The following ST18 variants were observed in gnomAD, a reference collection of about 807,000 sequenced individuals.
The protein encoded by ST18 is suppression of tumorigenicity 18 protein.
In ST18, 50 loss-of-function variants were observed where a neutral mutation model predicts 110.0. That is an observed-to-expected ratio of 0.45 (90% CI 0.36 to 0.58). The LOEUF (loss-of-function observed/expected upper bound fraction) is 0.58, where lower values mean the gene tolerates loss of function less well. Among genes scored for constraint, ST18 ranks in the 20% least tolerant of loss-of-function variants. ST18 has a pLI of 0.00. For missense variants in ST18, 1,306 were observed against 1,280.1 expected (o/e 1.02, Z -0.31); for synonymous variants, 461 against 452.4 (o/e 1.02, Z -0.24).
At chr8:52,198,283 G>A (rs1162282369) in intron 8 of ST18, among the ~76,000 whole-genome samples, 2 of 152,250 alleles carry the variant, frequency 1.3e-5, no homozygotes, top group South Asian at 4.1e-4. Flanking sequence ...GGGATTACAG[G>A]CATGAGCCAC....
chr8:52,209,937 C>T (rs1300587419), intron 8 of ST18: 2 of 369,396 alleles, frequency 5.4e-6, no homozygotes, highest in Non-Finnish European at 1.1e-5. Flanking sequence ...AACTTTTTCT[C>T]TATGAATTAT....
chr8:52,155,326 G>C (rs2059765551), intron 15 of ST18, among the ~76,000 whole-genome samples: 1 of 152,120 alleles, frequency 6.6e-6, no homozygotes, highest in Non-Finnish European at 1.5e-5. Flanking sequence ...ATTCCTCAAA[G>C]AGATACTTAA....
At chr8:52,137,608 A>G (rs368822730) in intron 17 of ST18, 125 bp from the exon 18 acceptor site, 1 of 827,766 alleles carries the variant, frequency 1.2e-6, no homozygotes. Flanking sequence ...TAGGACATGC[A>G]GAAGCTAGTG....
intron 2 of ST18, among the ~76,000 whole-genome samples, chr8:52,239,884 C>T (rs569540344): frequency 6.6e-6 from 1 of 152,206 alleles, no homozygotes; most frequent in Admixed American, 6.5e-5. Flanking sequence ...GCCTCTACCT[C>T]CCTGGCTCAA....
At chr8:52,256,066 C>A (rs1233251533) in intron 2 of ST18, among the ~76,000 whole-genome samples, 1 of 152,216 alleles carries the variant, frequency 6.6e-6, no homozygotes, top group Non-Finnish European at 1.5e-5. Context: ...GTGAGGCTAA[C>A]TTCCTCCAAG....
At chr8:52,347,656 G>T (rs1229498046) in intron 2 of ST18, among the ~76,000 whole-genome samples, 1 of 152,118 alleles carries the variant, frequency 6.6e-6, no homozygotes, top group African/African-American at 2.4e-5. Context: ...AGCCATTAAT[G>T]ACTACTTACT....
intron 2 of ST18, among the ~76,000 whole-genome samples, chr8:52,341,888 T>A (rs1590070683): frequency 6.6e-6 from 1 of 151,880 alleles, no homozygotes. Flanking sequence ...GAGGATCCCC[T>A]CATGGGCTGC....
chr8:52,353,889 A>T (rs1821485655), intron 2 of ST18, among the ~76,000 whole-genome samples: 1 of 152,194 alleles, frequency 6.6e-6, no homozygotes, highest in Admixed American at 6.5e-5. Flanking sequence ...CTTAAGCCAA[A>T]CTAGGTTATG....
chr8:52,119,110 G>A (rs1213034246), intron 23 of ST18, among the ~76,000 whole-genome samples: 1 of 152,152 alleles, frequency 6.6e-6, no homozygotes, highest in Non-Finnish European at 1.5e-5. Context: ...TTTGACTCCT[G>A]TTCTGCAACT....
At position 52,140,974 on chromosome 8, in the gene ST18, C is replaced by T. The variant is rs2054783912; in HGVS notation, c.2168+1956G>A. 2.0e-5 allele frequency among the ~76,000 whole-genome samples: 3 copies of T among 152,178 alleles called. No individual in the cohort carries two copies. The East Asian group carries it at 5.8e-4, about 29-fold the overall frequency. On this transcript the variant is annotated intron_variant, in intron 17 of 25. Transcript: ENST00000689386. ...AAAGGTGTCTGGCTGGCCTAAGTGG[C>T]TTCTAAGAAGTTTCTAAGAAGTTAG...
intron 2 of ST18, chr8:52,403,521 G>A (rs1158654278): frequency 6.6e-6 from 1 of 152,204 alleles, no homozygotes; most frequent in African/African-American, 2.4e-5. Context: ...TTCCCCCCAG[G>A]AAGGAGTCCT....
chr8:52,245,987 C>T (rs985054775), intron 2 of ST18, among the ~76,000 whole-genome samples: 4 of 152,078 alleles, frequency 2.6e-5, no homozygotes, highest in African/African-American at 9.7e-5. Context: ...ATGTATAGAT[C>T]AAACCCTAAC....
Position 52,143,065 on chromosome 8 carries a change from C to A in ST18, c.2053-20G>T. The A allele has an allele frequency of 6.7e-7, 1 of 1,499,324 alleles. No homozygotes were observed. The allele number at this position is 1,499,324 out of a possible 1,614,324, so 92.9% of individuals were successfully genotyped here. A position where few individuals can be genotyped will look rare whatever the true frequency, so the allele number is the denominator to read the frequency against. ...GTCTTTCTGGAAAACAAACAAAAAA[C>A]AAACAAAACACAGAAGCCATTAGGG... On this transcript the variant is annotated intron_variant, in intron 16 of 25. Transcript: ENST00000689386.
At chr8:52,262,165 C>G (rs1216030718) in intron 2 of ST18, among the ~76,000 whole-genome samples, 1 of 152,152 alleles carries the variant, frequency 6.6e-6, no homozygotes, top group Non-Finnish European at 1.5e-5. Context: ...CAAAGCCACT[C>G]CAGTGAGAAC....
At chr8:52,268,862 C>T (rs2094974151) in intron 2 of ST18, among the ~76,000 whole-genome samples, 1 of 152,188 alleles carries the variant, frequency 6.6e-6, no homozygotes, top group Non-Finnish European at 1.5e-5. Context: ...CCCACAAGGT[C>T]ACAGCAGACC....
chr8:52,247,041 C>G (rs958025304), intron 2 of ST18, among the ~76,000 whole-genome samples: 2 of 152,242 alleles, frequency 1.3e-5, no homozygotes, highest in Non-Finnish European at 2.9e-5. Flanking sequence ...GGATGACTGC[C>G]TTATTCTCTA....
chr8:52,318,703 T>A (rs2096071468), intron 2 of ST18, among the ~76,000 whole-genome samples: 2 of 152,084 alleles, frequency 1.3e-5, no homozygotes, highest in South Asian at 4.1e-4. Context: ...GTACATATAC[T>A]GGGTAAGAAA....
At chr8:52,316,968 C>G (rs777706631) in intron 2 of ST18, among the ~76,000 whole-genome samples, 1 of 152,208 alleles carries the variant, frequency 6.6e-6, no homozygotes, top group Non-Finnish European at 1.5e-5. Flanking sequence ...AAGCCTTCAT[C>G]TCTACCCAAT....
At chr8:52,361,211 A>G (rs140518541) in intron 2 of ST18, among the ~76,000 whole-genome samples, 445 of 152,368 alleles carry the variant, frequency 2.9e-3, no homozygotes, top group African/African-American at 0.01. Flanking sequence ...AGCTTTGGCT[A>G]TAATGTTCTT....
Sources: gnomAD v4.1 joint callset for allele counts (sites outside exome capture counted in the v4.1 genomes callset) on GRCh38, gnomAD v4.1.1 for gene constraint, MANE v1.5 for transcripts, NCBI Gene and HGNC (gene_info 2026-07-23, HGNC 2026-07-21) for gene names.